The following COL28A1 variants were observed in gnomAD, a reference collection of about 807,000 sequenced individuals.
The protein encoded by COL28A1 is collagen alpha-1(XXVIII) chain.
In COL28A1, 161 loss-of-function variants were observed where a neutral mutation model predicts 150.2. The ratio of observed to expected loss-of-function variants is 1.07; its 90% CI spans 0.94 to 1.22. The LOEUF (loss-of-function observed/expected upper bound fraction) is 1.22. Among genes scored for constraint, COL28A1 ranks in the 50% most tolerant of loss-of-function variants. The probability of loss-of-function intolerance (pLI) is 0.00; values close to 1 mark genes in which losing one functional copy is unlikely to be tolerated. For synonymous variants in COL28A1, 552 were observed against 469.7 expected (o/e 1.18, Z -2.26); for missense variants, 1,617 against 1,388.3 (o/e 1.16, Z -2.62).
At chr7:7,418,998 G>T (rs1247423330) in intron 26 of COL28A1, among the ~76,000 whole-genome samples, 1 of 152,160 alleles carries the variant, frequency 6.6e-6, no homozygotes, top group Non-Finnish European at 1.5e-5. Flanking sequence ...TCCTCTCTGA[G>T]AATGGGCTCT....
rs755780083 is a variant in COL28A1, at chr7:7,373,016, C to A, written c.2890G>T (p.Asp964Tyr). 13 of 1,613,544 alleles carry A rather than the reference C, an allele frequency of 8.1e-6. No homozygotes were observed. The highest frequency in any genetic ancestry group is 1.0e-5 in the Non-Finnish European group (12 of 1,179,792). The change falls in exon 32 of 35, where the codon GAT becomes TAT. Residue 964 changes from aspartate to tyrosine, a missense_variant. Coordinates refer to ENST00000399429, the MANE Select transcript of COL28A1 (RefSeq NM_001037763.3). This position sits in a 1 kb window ranked among gnomAD's most constrained non-coding sequence, Gnocchi z 4.1. ...TDPEHVYQFDDFFTLQDTLKQ... is the reference protein window; with the variant it reads ...TDPEHVYQFDYFFTLQDTLKQ... ...TCCTTACCTTGCAGGGTAAAGAAAT[C>A]ATCAAACTGGTAAACATGCTCTGGG...
chr7:7,455,448 G>A (rs1021160831), intron 16 of COL28A1, among the ~76,000 whole-genome samples: 5 of 152,108 alleles, frequency 3.3e-5, no homozygotes, highest in African/African-American at 4.8e-5. Flanking sequence ...TTCTAATCAC[G>A]AATGTAGACA....
Position 7,443,592 on chromosome 7 carries a change from C to A in COL28A1, c.1643G>T (p.Gly548Val), listed in dbSNP as rs1471454850. 1 of 1,614,102 alleles carries A rather than the reference C, an allele frequency of 6.2e-7. No individual in the cohort carries two copies. Among genetic ancestry groups the A allele is most frequent in the South Asian group, 1.1e-5 (1 of 91,064 alleles). ...PEGPPGKGQP[G>V]PKGDEGKKGS... ...ACACTGTCATTTCCATACCTTGGGG[C>A]CAGGCTGTCCTTTTCCAGGTGGTCC... The change falls in exon 20 of 35, where the codon GGC (glycine) becomes GTC (valine). Residue 548 changes from glycine (G) to valine (V), a missense_variant. Gly to Val is a moderately radical substitution (Grantham distance 109). Coordinates refer to ENST00000399429, the MANE Select transcript of COL28A1 (RefSeq NM_001037763.3).
rs560179150 is a variant in COL28A1, at chr7:7,494,461, C to G, written c.1027-3815G>C. Among the ~76,000 whole-genome samples the G allele has an allele frequency of 2.6e-5, 4 of 152,206 alleles. No homozygotes were observed. The South Asian group carries it at 8.3e-4, about 32-fold the overall frequency. The stretch of plus-strand genomic sequence containing the variant: ...AACAATTTTAGCTTTTGCAAGATCT[C>G]CATATGCAAAATGAGGATAATTATA... On this transcript the variant is annotated intron_variant, in intron 11 of 34. Transcript: ENST00000399429.
the COL28A1 span, among the ~76,000 whole-genome samples, chr7:7,347,633 G>T: frequency 6.6e-5 from 10 of 152,080 alleles, no homozygotes. Context: ...AAACAAAAGG[G>T]AGCCATTTCT....
intron 11 of COL28A1, among the ~76,000 whole-genome samples, chr7:7,500,248 AC>A (rs1381192829): frequency 6.6e-6 from 1 of 152,182 alleles, no homozygotes; most frequent in Non-Finnish European, 1.5e-5. Context: ...CACATAGGCA[AC>A]TGCCCACATA....
intron 23 of COL28A1, among the ~76,000 whole-genome samples, chr7:7,435,892 T>A (rs58681001): frequency 6.6e-6 from 1 of 152,100 alleles, no homozygotes; most frequent in African/African-American, 2.4e-5. Context: ...GCTGTGGTGC[T>A]GGGTATAGTG....
the COL28A1 span, among the ~76,000 whole-genome samples, chr7:7,339,682 T>C: frequency 6.6e-6 from 1 of 151,962 alleles, no homozygotes; most frequent in East Asian, 1.9e-4. Context: ...TGATTACTAT[T>C]AAAAAAGAAA....
intron 27 of COL28A1, among the ~76,000 whole-genome samples, chr7:7,416,621 T>C (rs1784089379): frequency 6.6e-6 from 1 of 152,222 alleles, no homozygotes; most frequent in Non-Finnish European, 1.5e-5. Flanking sequence ...AGTGTTGCTG[T>C]ATTTTCTTTC....
At chr7:7,438,035 G>C (rs1225842653) in intron 21 of COL28A1, among the ~76,000 whole-genome samples, 1 of 151,850 alleles carries the variant, frequency 6.6e-6, no homozygotes, top group African/African-American at 2.4e-5. Context: ...GGAGTTTTGA[G>C]GCCAGCCTGG....
chr7:7,421,112 G>A (rs1025279503), intron 25 of COL28A1, among the ~76,000 whole-genome samples: 4 of 152,302 alleles, frequency 2.6e-5, no homozygotes, highest in Non-Finnish European at 1.5e-5. Context: ...CTGGTGAATG[G>A]ACAAAGTGCT....
chr7:7,414,512 T>C (rs138440598), intron 27 of COL28A1, among the ~76,000 whole-genome samples: 157 of 152,240 alleles, frequency 1.0e-3, no homozygotes, highest in African/African-American at 3.6e-3. Context: ...TGGTACTAAA[T>C]AAAGAGGGGC....
intron 27 of COL28A1, among the ~76,000 whole-genome samples, chr7:7,382,170 C>A (rs1450717593): frequency 6.6e-6 from 1 of 152,058 alleles, no homozygotes; most frequent in African/African-American, 2.4e-5. Flanking sequence ...ATTAGCTGGG[C>A]ATGGTGGTGC....
At chr7:7,539,663 G>A (rs898259713), upstream of COL28A1, among the ~76,000 whole-genome samples, 1 of 152,158 alleles carries the variant, frequency 6.6e-6, no homozygotes, top group East Asian at 1.9e-4. Context: ...ACAGGATGTG[G>A]CATTGCTTAA....
intron 13 of COL28A1, among the ~76,000 whole-genome samples, chr7:7,479,430 G>T (rs1181259997): frequency 6.6e-6 from 1 of 152,202 alleles, no homozygotes; most frequent in Admixed American, 6.5e-5. Context: ...TAAAAATCTG[G>T]AACTGTGTGG....
intron 30 of COL28A1, among the ~76,000 whole-genome samples, chr7:7,378,570 T>C (rs991347562): frequency 6.6e-6 from 1 of 152,260 alleles, no homozygotes; most frequent in South Asian, 2.1e-4. Flanking sequence ...ATCTGCACAA[T>C]TGATAGCTAT....
intron 27 of COL28A1, among the ~76,000 whole-genome samples, chr7:7,416,949 T>A (rs1784115121): frequency 6.6e-6 from 1 of 152,132 alleles, no homozygotes; most frequent in African/African-American, 2.4e-5. Context: ...TCAATCTCAA[T>A]CATCCAGAGG....
intron 24 of COL28A1, 25 bp from the exon 25 acceptor site, chr7:7,432,566 A>G (rs1230139802): frequency 6.8e-6 from 11 of 1,612,680 alleles, no homozygotes; most frequent in East Asian, 2.2e-5. Context: ...TAAGGGAGGG[A>G]GTGAGCATCC....
At chr7:7,454,205 GATTGTAAAC>G (rs1786951358) in intron 16 of COL28A1, among the ~76,000 whole-genome samples, 2 of 152,160 alleles carry the variant, frequency 1.3e-5, no homozygotes. Flanking sequence ...ATTTAAGAGA[GATTGTAAAC>G]ATGTTGCTGG....
Sources: gnomAD v4.1 joint callset for allele counts (sites outside exome capture counted in the v4.1 genomes callset) on GRCh38, gnomAD v4.1.1 for gene constraint, Gnocchi (gnomAD v3.1) non-coding constraint, MANE v1.5 for transcripts, NCBI Gene and HGNC (gene_info 2026-07-23, HGNC 2026-07-21) for gene names.